Variants in IPO11 observed in about 807,000 individuals in gnomAD.
IPO11 encodes importin-11.
IPO11 carries 66 observed loss-of-function variants against 143.2 expected under a neutral mutation model. The ratio of observed to expected loss-of-function variants is 0.46; its 90% CI spans 0.38 to 0.57. The LOEUF (loss-of-function observed/expected upper bound fraction) is 0.57, where lower values mean the gene tolerates loss of function less well. Ranked by LOEUF, IPO11 falls within the 20% of genes least tolerant of loss-of-function variation. The probability of loss-of-function intolerance (pLI) is 0.00; values close to 1 mark genes in which losing one functional copy is unlikely to be tolerated. For synonymous variants in IPO11, 385 were observed against 377.8 expected (o/e 1.02, Z -0.22); for missense variants, 1,026 against 1,141.0 (o/e 0.90, Z 1.45).
intron 29 of IPO11, among the ~76,000 whole-genome samples, chr5:62,604,828 G>A (rs992666875): frequency 2.6e-5 from 4 of 152,116 alleles, no homozygotes; most frequent in Admixed American, 6.6e-5. Context: ...CTGGGATTGT[G>A]TATTGTATAA....
At chr5:62,454,063 A>C (rs952065817) in intron 5 of IPO11, among the ~76,000 whole-genome samples, 2 of 152,160 alleles carry the variant, frequency 1.3e-5, no homozygotes, top group African/African-American at 4.8e-5. Context: ...TGAACCTAGG[A>C]GGTGGAGCTT....
rs139610850 is a variant in IPO11 at position 62,623,575 on chromosome 5, A to G, written c.2764-3579A>G. ...AGGAATAAAAGAATGGCTACTCCAT[A>G]GGCAGAGCAGCCCCGAGGGCTGCTG... On this transcript the variant is annotated intron_variant, in intron 29 of 29. Coordinates refer to ENST00000325324, the MANE Select transcript of IPO11 (RefSeq NM_016338.5). Among the ~76,000 whole-genome samples, 715 of 152,070 alleles carry G rather than the reference A, an allele frequency of 4.7e-3. 7 individuals carry two copies. The highest frequency in any genetic ancestry group is 0.017 in the African/African-American group (691 of 41,516).
chr5:62,470,102 A>T, intron 6 of IPO11, 148 bp from the exon 7 acceptor site: 1 of 691,752 alleles, frequency 1.4e-6, no homozygotes, highest in Non-Finnish European at 2.5e-6. Flanking sequence ...TTTTCCCACT[A>T]ATTTCCCAGC....
chr5:62,471,409 A>G (rs1745769526), intron 7 of IPO11, among the ~76,000 whole-genome samples: 1 of 152,184 alleles, frequency 6.6e-6, no homozygotes, highest in Admixed American at 6.5e-5. Context: ...CATAATATAC[A>G]TCATCATAAT....
chr5:62,490,391 A>G (rs866979695), intron 15 of IPO11, among the ~76,000 whole-genome samples, 171 bp downstream of exon 15: 2 of 152,220 alleles, frequency 1.3e-5, no homozygotes, highest in African/African-American at 2.4e-5. Flanking sequence ...AGTATTTGAT[A>G]TATCAGGTAG....
intron 29 of IPO11, among the ~76,000 whole-genome samples, chr5:62,608,021 G>A (rs1745789433): frequency 6.6e-6 from 1 of 152,096 alleles, no homozygotes; most frequent in African/African-American, 2.4e-5. Flanking sequence ...GTTTCACCAT[G>A]TTGGCCAGGC....
At chr5:62,606,473 C>T (rs895400544) in intron 29 of IPO11, among the ~76,000 whole-genome samples, 2 of 123,802 alleles carry the variant, frequency 1.6e-5, no homozygotes, top group African/African-American at 6.8e-5. Context: ...AGAACGAGAC[C>T]CTGTCTTAAA....
intron 15 of IPO11, among the ~76,000 whole-genome samples, chr5:62,493,525 C>T (rs1741021118): frequency 6.6e-6 from 1 of 151,048 alleles, no homozygotes; most frequent in African/African-American, 2.4e-5. Flanking sequence ...ATCAAGACTT[C>T]ATTGTTAATA....
rs1256856656 is a variant in IPO11, at chr5:62,536,760, A to G, written c.2148A>G (p.Leu716=). The change falls in exon 23 of 30, where the codon TTA becomes TTG. Residue 716 remains leucine, a synonymous_variant. Coordinates refer to ENST00000325324, the MANE Select transcript of IPO11 (RefSeq NM_016338.5). ...CFKIINGYIF[L]SSTEFLQTYA... ...AGATCATCAATGGTTATATCTTTTTATCATCAACAGAATTTTTACAGGTAT... is the reference window on the plus strand; with the variant it reads ...AGATCATCAATGGTTATATCTTTTTGTCATCAACAGAATTTTTACAGGTAT... The G allele has an allele frequency of 2.6e-6, 4 of 1,567,432 alleles. No individual in the cohort carries two copies. Among genetic ancestry groups the G allele is most frequent in the South Asian group, 1.2e-5 (1 of 82,680 alleles).
In IPO11 at chr5:62,423,016, C is replaced by T. The variant is rs140951022; in HGVS notation, c.-7+10087C>T. Among the ~76,000 whole-genome samples, 9 of 151,952 alleles carry T rather than the reference C, an allele frequency of 5.9e-5. No individual in the cohort carries two copies. In the East Asian group the frequency reaches 1.5e-3, roughly 26 times the overall value. ...AAATATCAGAAAGGGGATTGGAGAG[C>T]GCAGGATTAGAAAAAAGGGTGTTAG... On this transcript the variant is annotated intron_variant, in intron 1 of 29. Transcript: ENST00000325324.
chr5:62,487,027 TAAA>T (rs1168896498), intron 12 of IPO11, among the ~76,000 whole-genome samples: 7 of 152,140 alleles, frequency 4.6e-5, no homozygotes, highest in African/African-American at 1.2e-4. Context: ...AAAATTTAAA[TAAA>T]AAATTATTTT....
At chr5:62,463,201 C>G (rs1208189521) in intron 5 of IPO11, among the ~76,000 whole-genome samples, 1 of 152,008 alleles carries the variant, frequency 6.6e-6, no homozygotes, top group Non-Finnish European at 1.5e-5. Flanking sequence ...GCCACCATGT[C>G]CAGCTAATTT....
At chr5:62,551,879 A>G (rs556838302) in intron 26 of IPO11, among the ~76,000 whole-genome samples, 1 of 152,264 alleles carries the variant, frequency 6.6e-6, no homozygotes, top group East Asian at 1.9e-4. Context: ...TAATCCCAGC[A>G]CTTTGGGAGG....
intron 22 of IPO11, among the ~76,000 whole-genome samples, 157 bp downstream of exon 22, chr5:62,530,942 C>T (rs578090795): frequency 1.3e-5 from 2 of 152,176 alleles, no homozygotes; most frequent in East Asian, 1.9e-4. Context: ...GGATATATTG[C>T]GTGATGTTGA....
intron 15 of IPO11, among the ~76,000 whole-genome samples, chr5:62,492,729 G>A (rs1398067221): frequency 1.3e-5 from 2 of 151,828 alleles, no homozygotes; most frequent in African/African-American, 4.8e-5. Context: ...GTTTTGGTAG[G>A]GTTTTATCAT....
intron 29 of IPO11, among the ~76,000 whole-genome samples, chr5:62,614,709 CGT>C (rs151288424): frequency 9.3e-5 from 14 of 151,336 alleles, no homozygotes; most frequent in African/African-American, 1.7e-4. Context: ...CCCAAGTGTG[CGT>C]GTGTGTGTGT....
intron 27 of IPO11, chr5:62,581,213 TAG>T: frequency 1.3e-6 from 2 of 1,550,814 alleles, no homozygotes; most frequent in Non-Finnish European, 1.7e-6. Context: ...CCAAATTCTC[TAG>T]AAAGTCCTGG....
At chr5:62,557,255 CT>C (rs1165331862) in intron 26 of IPO11, among the ~76,000 whole-genome samples, 2 of 152,082 alleles carry the variant, frequency 1.3e-5, no homozygotes, top group Non-Finnish European at 2.9e-5. Flanking sequence ...GCGATCTCAG[CT>C]CACTGCAACC....
intron 21 of IPO11, 99 bp downstream of exon 21, chr5:62,526,356 C>A: frequency 1.3e-6 from 1 of 770,216 alleles, no homozygotes. Context: ...GCTTTAAAAA[C>A]AGAAAATGTA....
Sources: gnomAD v4.1 joint callset for allele counts (sites outside exome capture counted in the v4.1 genomes callset) on GRCh38, gnomAD v4.1.1 for gene constraint, MANE v1.5 for transcripts, NCBI Gene and HGNC (gene_info 2026-07-23, HGNC 2026-07-21) for gene names.